The following EPHA10 variants were observed in gnomAD, a reference collection of about 807,000 sequenced individuals.
The protein encoded by EPHA10 is EPH receptor A10.
In EPHA10, 120 loss-of-function variants were observed where a neutral mutation model predicts 109.7. The observed-to-expected ratio is 1.09, with a 90% CI of 0.94 to 1.27. EPHA10 has a LOEUF of 1.27. Among genes scored for constraint, EPHA10 ranks in the 50% most tolerant of loss-of-function variants. The pLI is 0.00. For missense variants in EPHA10, 1,396 were observed against 1,411.1 expected, an observed-to-expected ratio of 0.99 and a Z score of 0.17; for synonymous variants, 640 against 618.9, an observed-to-expected ratio of 1.03 and a Z score of -0.51.
At position 37,727,112 on chromosome 1, in the gene EPHA10, T is replaced by C. The variant is rs778664060; in HGVS notation, c.1762A>G (p.Ile588Val). Residue 588 changes from isoleucine to valine, a missense_variant, in exon 8 of 17, where the codon ATT becomes GTT. Ile to Val is a conservative substitution (Grantham distance 29, BLOSUM62 3). Transcript: ENST00000373048. ...VLGSVMSVLA[I>V]WRRPCSYGKG... Reference sequence around the variant, plus strand: ...GGGCCAGCCACCTACCTCCTCCAAATGGCCAGCACACTCATCACGGAGCCC... The same window carrying C: ...GGGCCAGCCACCTACCTCCTCCAAACGGCCAGCACACTCATCACGGAGCCC... 1 of 1,610,036 alleles carries C rather than the reference T, an allele frequency of 6.2e-7. No homozygotes were observed. Among genetic ancestry groups the C allele is most frequent in the Admixed American group, 1.7e-5 (1 of 59,490 alleles).
Position 37,720,406 on chromosome 1 carries a change from A to G in EPHA10, c.2357T>C (p.Ile786Thr), listed in dbSNP as rs1645770899. 1 of 1,613,238 alleles carries G rather than the reference A, an allele frequency of 6.2e-7. No homozygotes were observed. The highest frequency in any genetic ancestry group is 8.5e-7 in the Non-Finnish European group (1 of 1,179,994). Reference sequence around the variant, plus strand: ...CCGGGGGCCCCGCCCGAAGCCAGAGATCTTGCAGACAAGGTCGCTGCTGAC... The same window carrying G: ...CCGGGGGCCCCGCCCGAAGCCAGAGGTCTTGCAGACAAGGTCGCTGCTGAC... The part of the protein sequence containing the change: ...VLVSSDLVCK[I>T]SGFGRGPRDR... Residue 786 changes from isoleucine (I) to threonine (T), a missense_variant, in exon 13 of 17, where the codon ATC (isoleucine) becomes ACC (threonine). Ile to Thr is a moderately conservative substitution (Grantham distance 89). Transcript: ENST00000373048.
At chr1:37,751,218 G>GAAAA (rs1216876477) in intron 5 of EPHA10, among the ~76,000 whole-genome samples, 2 of 96,284 alleles carry the variant, frequency 2.1e-5, no homozygotes, top group Non-Finnish European at 4.0e-5. Context: ...AAAAAAAAAA[G>GAAAA]AAAGAAAGAA....
intron 6 of EPHA10, among the ~76,000 whole-genome samples, chr1:37,734,345 C>A (rs1646034747): frequency 6.6e-6 from 1 of 152,042 alleles, no homozygotes; most frequent in Non-Finnish European, 1.5e-5. Flanking sequence ...ACCAGCCTGG[C>A]CAACACGATG....
chr1:37,757,127 C>T (rs1417085925), intron 3 of EPHA10, among the ~76,000 whole-genome samples: 1 of 152,154 alleles, frequency 6.6e-6, no homozygotes. Context: ...GCACCTGGCC[C>T]TAGCAGAGAA....
At chr1:37,726,959 T>C (rs1645902115) in intron 8 of EPHA10, 143 bp downstream of exon 8, 3 of 541,266 alleles carry the variant, frequency 5.5e-6, no homozygotes, top group Non-Finnish European at 9.5e-6. Flanking sequence ...GCCGGGATGA[T>C]GCATGCCTAC....
chr1:37,721,354 G>T (rs1645792871), intron 11 of EPHA10, among the ~76,000 whole-genome samples: 1 of 148,478 alleles, frequency 6.7e-6, no homozygotes, highest in African/African-American at 2.5e-5. Flanking sequence ...CATGATCCCA[G>T]GAGGCAGAGC....
At position 37,762,818 on chromosome 1, in the gene EPHA10, G is replaced by A. The variant is rs763001975; in HGVS notation, c.138C>T (p.Ala46=). ...VILLDSKASQ[A]ELGWTALPSN... ...TTGGCAGTGCAGTCCAGCCCAGCTC[G>A]GCCTGGGAGGCTTTGGAATCCAGGA... Residue 46 remains alanine (A), a synonymous_variant, in exon 2 of 17, where the codon GCC becomes GCT. Transcript: ENST00000373048. 20 of 1,553,576 alleles carry A rather than the reference G, an allele frequency of 1.3e-5. No homozygotes were observed. Among genetic ancestry groups the A allele is most frequent in the East Asian group, 1.2e-4 (5 of 41,304 alleles).
chr1:37,718,451 T>C lies in EPHA10; in HGVS notation c.2948A>G (p.His983Arg). Residue 983 changes from histidine (H) to arginine (R), a missense_variant, in exon 17 of 17, where the codon CAT becomes CGT. His to Arg is a conservative substitution (Grantham distance 29). Transcript: ENST00000373048. ...GATCCCGCTGAGGAGGGCCTCTCGA[T>C]GTTCAGCCAAAGAGATGCCTAGGCT... ...LVSLGISLAE[H>R]REALLSGISA... The C allele has an allele frequency of 6.2e-7, 1 of 1,613,432 alleles. No individual in the cohort carries two copies. The highest frequency in any genetic ancestry group is 8.5e-7 in the Non-Finnish European group (1 of 1,180,004).
chr1:37,736,927 A>G (rs1434974407), intron 5 of EPHA10, among the ~76,000 whole-genome samples: 1 of 152,212 alleles, frequency 6.6e-6, no homozygotes, highest in East Asian at 1.9e-4. Context: ...AAACTATAAA[A>G]TATTGCTGAA....
At position 37,718,757 on chromosome 1, in the gene EPHA10, C is replaced by A. The variant is rs1258936214; in HGVS notation, c.2816G>T (p.Gly939Val). 6.2e-7 allele frequency: 1 copy of A among 1,613,018 alleles called. No individual in the cohort carries two copies. Among genetic ancestry groups the A allele is most frequent in the African/African-American group, 1.3e-5 (1 of 74,942 alleles). The change falls in exon 16 of 17, where the codon GGC becomes GTC. Residue 939 changes from glycine to valine, a missense_variant. Physicochemically the swap from Gly to Val is moderately radical, Grantham distance 109. Coordinates refer to ENST00000373048, the MANE Select transcript of EPHA10 (RefSeq NM_001099439.2). ...CAGGTCCAGGGCCTCCAGCCACGCG[C>A]CCACAGAGCCAAAGGAGGGGAAGGT... The part of the protein sequence containing the change: ...FSTFPSFGSV[G>V]AWLEALDLCR...
chr1:37,753,289 T>G, intron 4 of EPHA10, 63 bp from the exon 5 acceptor site: 6 of 103,016 alleles, frequency 5.8e-5, no homozygotes, highest in Admixed American at 2.0e-4. Context: ...AGGGGCGGGA[T>G]GCACGAGGGG....
At chr1:37,754,000 C>T (rs1646369402) in intron 4 of EPHA10, among the ~76,000 whole-genome samples, 1 of 152,128 alleles carries the variant, frequency 6.6e-6, no homozygotes, top group Non-Finnish European at 1.5e-5. Flanking sequence ...TGGACTCTCG[C>T]AGTTGTCCTG....
intron 5 of EPHA10, among the ~76,000 whole-genome samples, chr1:37,740,966 A>C (rs183690306): frequency 8.5e-4 from 129 of 152,332 alleles, no homozygotes; most frequent in African/African-American, 3.0e-3. Context: ...AAGGAAGAGA[A>C]GCTTGACAAG....
chr1:37,744,428 G>A (rs1022530575), intron 5 of EPHA10, among the ~76,000 whole-genome samples: 1 of 151,942 alleles, frequency 6.6e-6, no homozygotes, highest in Non-Finnish European at 1.5e-5. Flanking sequence ...GCTGAGGCAG[G>A]AGAACCATTT....
At chr1:37,727,550 T>A (rs776870528) in intron 7 of EPHA10, among the ~76,000 whole-genome samples, 3 of 152,196 alleles carry the variant, frequency 2.0e-5, no homozygotes, top group Non-Finnish European at 4.4e-5. Context: ...GCCTCTGCTC[T>A]GAGCTCCCTA....
downstream of EPHA10, among the ~76,000 whole-genome samples, chr1:37,715,635 C>T (rs534772117): frequency 6.6e-6 from 1 of 152,306 alleles, no homozygotes; most frequent in Non-Finnish European, 1.5e-5. Context: ...CAAAACTGAG[C>T]ACTGAGCACC....
In EPHA10 at chr1:37,762,083, AC is replaced by A. The variant is rs749361172; in HGVS notation, c.172-1del. On this transcript the variant is annotated splice_acceptor_variant, in intron 2 of 16. Transcript: ENST00000373048. LOFTEE classifies it high-confidence loss of function. ...TCATCCACGCCGCTGATCTCCTCCC[AC>A]TGGGGACAAGAGTAAAGGGGTGGGC... is the stretch of plus-strand genomic sequence containing the variant. The A allele has an allele frequency of 6.3e-7, 1 of 1,577,988 alleles. No individual in the cohort carries two copies. The highest frequency in any genetic ancestry group is 8.6e-7 in the Non-Finnish European group (1 of 1,159,822).
intron 3 of EPHA10, chr1:37,760,418 C>A: frequency 9.5e-7 from 1 of 1,055,858 alleles, no homozygotes; most frequent in Non-Finnish European, 1.1e-6. Context: ...CCAGCAAAAC[C>A]CTCAACATGA....
chr1:37,753,329 G>A, intron 4 of EPHA10, 103 bp from the exon 5 acceptor site: 2 of 756,712 alleles, frequency 2.6e-6, no homozygotes, highest in Non-Finnish European at 3.6e-6. Context: ...CCCCAGTGAG[G>A]CAGGAGAAGC....
Sources: gnomAD v4.1 joint callset for allele counts (sites outside exome capture counted in the v4.1 genomes callset) on GRCh38, gnomAD v4.1.1 for gene constraint, MANE v1.5 for transcripts, NCBI Gene and HGNC (gene_info 2026-07-23, HGNC 2026-07-21) for gene names.